The following ACP6 variants were observed in gnomAD, a reference collection of about 807,000 sequenced individuals.
The protein encoded by ACP6 is acid phosphatase 6, lysophosphatidic.
In ACP6, 48 loss-of-function variants were observed where a neutral mutation model predicts 48.1. That is an observed-to-expected ratio of 1.00 (90% CI 0.79 to 1.27). The LOEUF (loss-of-function observed/expected upper bound fraction) is 1.27. Ranked by LOEUF, ACP6 falls within the 50% of genes most tolerant of loss-of-function variation. ACP6 has a pLI of 0.00. For missense variants in ACP6, 485 were observed against 529.1 expected, an observed-to-expected ratio of 0.92 and a Z score of 0.82; for synonymous variants, 172 against 204.2, an observed-to-expected ratio of 0.84 and a Z score of 1.34.
intron 3 of ACP6, 46 bp downstream of exon 3, chr1:147,659,350 T>C (rs6674938): frequency 0.7 from 1,125,342 of 1,599,056 alleles, 397,717 homozygotes; most frequent in Admixed American, 0.8. Flanking sequence ...TATCCTCATG[T>C]TCAAGACCTT....
downstream of ACP6, among the ~76,000 whole-genome samples, chr1:147,642,033 G>C (rs587749739): frequency 6.6e-6 from 1 of 152,316 alleles, no homozygotes; most frequent in East Asian, 1.9e-4. Context: ...ACCCTAATTA[G>C]TACGTATCAT....
chr1:147,648,321 A>G lies in ACP6; in HGVS notation c.1068T>C (p.Ala356=). The G allele has an allele frequency of 6.2e-7, 1 of 1,614,164 alleles. No homozygotes were observed. The highest frequency in any genetic ancestry group is 2.2e-5 in the East Asian group (1 of 44,882). Residue 356 remains alanine, a synonymous_variant, in exon 9 of 10, where the codon GCT becomes GCC. Transcript: ENST00000583509. ...GGTAAAGTTCCATGGTCAGGTCAAC[A>G]GCAAACGGTGGCCATTTGTGGTCAA... ...GIFDHKWPPF[A]VDLTMELYQH...
intron 5 of ACP6, among the ~76,000 whole-genome samples, chr1:147,631,979 ACTGTGCTCCAG>A (rs1659176818): frequency 6.6e-6 from 1 of 151,738 alleles, no homozygotes; most frequent in African/African-American, 2.4e-5. Flanking sequence ...TCCCCCACCC[ACTGTGCTCCAG>A]CCGAACCATG....
At chr1:147,666,777 G>A (rs3766505) in intron 1 of ACP6, among the ~76,000 whole-genome samples, 32,648 of 152,146 alleles carry the variant, frequency 0.21, 3,695 homozygotes, top group East Asian at 0.3. Flanking sequence ...TGTTCACCAC[G>A]GTTAAGAACC....
chr1:147,654,266 C>G lies in ACP6; in HGVS notation c.708G>C (p.Lys236Asn), dbSNP rs1279325238. 1.2e-6 allele frequency: 2 copies of G among 1,614,088 alleles called. No individual in the cohort carries two copies. The highest frequency in any genetic ancestry group is 1.7e-5 in the Admixed American group (1 of 60,004). The change falls in exon 6 of 10, where the codon AAG becomes AAC. Residue 236 changes from lysine to asparagine, a missense_variant. Lys to Asn is a moderately conservative substitution (Grantham distance 94). Coordinates refer to ENST00000583509, the MANE Select transcript of ACP6 (RefSeq NM_016361.5). ...PGISEDLKKV[K>N]DRMGIDSSDK... ...CACTACTGTCAATGCCCATCCTGTC[C>G]TTCACCTTTTTCAAATCCTCTGAGA...
At chr1:147,635,387 G>C (rs77472013) in intron 5 of ACP6, among the ~76,000 whole-genome samples, 72 of 152,328 alleles carry the variant, frequency 4.7e-4, no homozygotes, top group African/African-American at 1.6e-3. Flanking sequence ...CTAGGAAAGA[G>C]AGGGATTTGG....
rs1570943608 is a variant in ACP6 at position 147,643,491 on chromosome 1, A to G, written c.*3932T>C. On this transcript the variant is annotated 3_prime_UTR_variant, in exon 10 of 10. Transcript: ENST00000583509. The stretch of plus-strand genomic sequence containing the variant: ...CAAGGAGGGCCTCTCTGAGATGACA[A>G]TGAGCTGAGATCTGAATGAAAAGAG... The G allele has an allele frequency of 1.3e-5, 2 of 152,212 alleles. No homozygotes were observed. Among genetic ancestry groups the G allele is most frequent in the African/African-American group, 2.4e-5 (1 of 41,416 alleles). 9.4% of individuals were successfully genotyped at this position (152,212 alleles called of 1,614,324 possible).
chr1:147,636,475 GAAGCAGATA>G (rs1659305271), intron 5 of ACP6, among the ~76,000 whole-genome samples: 1 of 152,158 alleles, frequency 6.6e-6, no homozygotes, highest in South Asian at 2.1e-4. Context: ...CATGTGTGAT[GAAGCAGATA>G]AAGCAAAGAG....
chr1:147,647,696 G>T, intron 9 of ACP6, 130 bp from the exon 10 acceptor site: 1 of 1,208,836 alleles, frequency 8.3e-7, no homozygotes, highest in Non-Finnish European at 1.1e-6. Context: ...AGACAGGAAG[G>T]CCCCACTACC....
At chr1:147,649,392 C>G (rs587756370) in intron 8 of ACP6, among the ~76,000 whole-genome samples, 1 of 152,226 alleles carries the variant, frequency 6.6e-6, no homozygotes, top group African/African-American at 2.4e-5. Flanking sequence ...CAGCCGTAGT[C>G]CCAACCTTGG....
At chr1:147,649,973 G>A (rs887791420) in intron 8 of ACP6, 170 bp downstream of exon 8, 1 of 564,266 alleles carries the variant, frequency 1.8e-6, no homozygotes, top group South Asian at 2.3e-5. Context: ...GGTGCAGCAG[G>A]AAGAAAGGTT....
chr1:147,633,771 A>C lies in ACP6; in HGVS notation c.461-2706T>G, dbSNP rs112928844. On this transcript the variant is annotated intron_variant, in intron 5 of 5. Coordinates refer to the ACP6 transcript ENST00000609196. ...TTTTCTATCAAAAGCAAAGCTGGTA[A>C]TATTTTCATCAAAGTGATACAAGAA... Among the ~76,000 whole-genome samples the C allele has an allele frequency of 7.9e-3, 1,200 of 152,320 alleles. 16 individuals carry two copies. The highest frequency in any genetic ancestry group is 0.027 in the African/African-American group (1,131 of 41,576).
intron 6 of ACP6, 98 bp from the exon 7 acceptor site, chr1:147,652,647 C>T (rs1328419586): frequency 3.1e-6 from 5 of 1,605,620 alleles, no homozygotes; most frequent in African/African-American, 1.3e-5. Flanking sequence ...CCCATCTTCT[C>T]CTGGGGAAGA....
At chr1:147,665,138 T>A (rs938424617) in intron 1 of ACP6, among the ~76,000 whole-genome samples, 1 of 152,168 alleles carries the variant, frequency 6.6e-6, no homozygotes, top group Admixed American at 6.5e-5. Flanking sequence ...TTTCTCTAGT[T>A]GAAGTAGGAG....
At chr1:147,659,815 G>A (rs1553212434) in intron 1 of ACP6, 40 bp from the exon 2 acceptor site, 1 of 1,605,854 alleles carries the variant, frequency 6.2e-7, no homozygotes, top group South Asian at 1.1e-5. Context: ...GTTTAAAAAT[G>A]GTTCTTGAAA....
rs782341032 is a variant in ACP6, at chr1:147,650,163, G to A, written c.957C>T (p.Ala319=). The A allele has an allele frequency of 1.2e-6, 2 of 1,607,076 alleles. No individual in the cohort carries two copies. The highest frequency in any genetic ancestry group is 4.5e-5 in the East Asian group (2 of 44,156). ...GGTACCTGATCTTGTCGGGGGCAGT[G>A]GCAGAGTCCATGGCTTTCAGCAGGT... is the stretch of plus-strand genomic sequence containing the variant. ...ESNLLKAMDS[A]TAPDKIRKLY... is the part of the protein sequence containing the mutation. The change falls in exon 8 of 10, where the codon GCC becomes GCT. Residue 319 remains alanine, a synonymous_variant. Transcript: ENST00000583509.
At chr1:147,657,927 A>G (rs587597492) in intron 4 of ACP6, among the ~76,000 whole-genome samples, 1 of 152,362 alleles carries the variant, frequency 6.6e-6, no homozygotes, top group South Asian at 2.1e-4. Flanking sequence ...GTTGCCACCA[A>G]TAAACATCTT....
chr1:147,650,254 A>T lies in ACP6; in HGVS notation c.882-16T>A, dbSNP rs1553210287. The T allele has an allele frequency of 6.3e-7, 1 of 1,583,282 alleles. No individual in the cohort carries two copies. Among genetic ancestry groups the T allele is most frequent in the East Asian group, 2.3e-5 (1 of 43,196 alleles). ...AAGACTTTCCCTGTGAAAAGTGAAC[A>T]ACATTTAAGCACCTAGAGGGCACTC... is the stretch of plus-strand genomic sequence containing the variant. On this transcript the variant is annotated splice_polypyrimidine_tract_variant and intron_variant, in intron 7 of 9. Transcript: ENST00000583509.
rs1553209935 is a variant in ACP6, at chr1:147,648,396, A to G, written c.993T>C (p.Tyr331=). The change falls in exon 9 of 10, where the codon TAT becomes TAC. Residue 331 remains tyrosine, a synonymous_variant. Transcript: ENST00000583509. ...APDKIRKLYL[Y]AAHDVTFIPL... ...GTATGAAGGTCACATCATGAGCCGC[A>G]TAGAGATACAGCTTTCTGCAAGAGG... 6.2e-7 allele frequency: 1 copy of G among 1,614,216 alleles called. No individual in the cohort carries two copies.
Sources: gnomAD v4.1 joint callset for allele counts (sites outside exome capture counted in the v4.1 genomes callset) on GRCh38, gnomAD v4.1.1 for gene constraint, MANE v1.5 for transcripts, NCBI Gene and HGNC (gene_info 2026-07-23, HGNC 2026-07-21) for gene names.